The following SAXO1 variants were observed in gnomAD, a reference collection of about 807,000 sequenced individuals.
SAXO1 encodes 4930500O09Rik.
A neutral mutation model predicts 17.5 loss-of-function variants in SAXO1; 21 were observed. The observed-to-expected ratio is 1.20, with a 90% CI of 0.85 to 1.72. SAXO1 has a LOEUF of 1.72. SAXO1 is among the 40% of genes most tolerant of loss of function. The pLI is 0.00. For synonymous variants in SAXO1, 274 were observed against 216.5 expected, an observed-to-expected ratio of 1.27 and a Z score of -2.33; for missense variants, 843 against 596.0, an observed-to-expected ratio of 1.41 and a Z score of -4.32.
chr9:18,988,413 T>C lies in SAXO1; in HGVS notation c.39-37476A>G, dbSNP rs911111822. Among the ~76,000 whole-genome samples, 3 of 152,342 alleles carry C rather than the reference T, an allele frequency of 2.0e-5. No homozygotes were observed. In the East Asian group the frequency reaches 5.8e-4, roughly 29 times the overall value. Reference sequence around the variant, plus strand: ...GAGTCACCCAAACCCCTAAATGTCCTTCCAAATCCTAAGGTGAGCAAAAGT... The same window carrying C: ...GAGTCACCCAAACCCCTAAATGTCCCTCCAAATCCTAAGGTGAGCAAAAGT... On this transcript the variant is annotated intron_variant, in intron 1 of 3. Transcript: ENST00000380534.
intron 1 of SAXO1, among the ~76,000 whole-genome samples, chr9:18,991,603 A>C (rs976619383): frequency 6.6e-6 from 1 of 152,156 alleles, no homozygotes; most frequent in Non-Finnish European, 1.5e-5. Context: ...CATTAGGAGA[A>C]ATACCTAATG....
At chr9:18,961,324 C>T (rs1169660056) in intron 1 of SAXO1, among the ~76,000 whole-genome samples, 1 of 151,890 alleles carries the variant, frequency 6.6e-6, no homozygotes, top group African/African-American at 2.4e-5. Flanking sequence ...GCATGTGCCA[C>T]CACGCCTGGC....
intron 1 of SAXO1, among the ~76,000 whole-genome samples, chr9:19,023,367 T>A (rs1028999349): frequency 6.6e-6 from 1 of 152,218 alleles, no homozygotes. Flanking sequence ...TATGCCTTAC[T>A]GTGGATGCAC....
intron 1 of SAXO1, among the ~76,000 whole-genome samples, chr9:19,029,436 C>T (rs781354443): frequency 3.3e-5 from 5 of 152,214 alleles, no homozygotes; most frequent in African/African-American, 4.8e-5. Context: ...CTTCTTCATG[C>T]ATGCTTGTCT....
intron 1 of SAXO1, among the ~76,000 whole-genome samples, chr9:18,957,035 C>A (rs2131744299): frequency 6.6e-6 from 1 of 152,306 alleles, no homozygotes; most frequent in Non-Finnish European, 1.5e-5. Flanking sequence ...TGATGGAATG[C>A]CAGCCTGTAC....
At chr9:18,976,151 C>A (rs576099180) in intron 1 of SAXO1, among the ~76,000 whole-genome samples, 1 of 152,266 alleles carries the variant, frequency 6.6e-6, no homozygotes, top group Admixed American at 6.5e-5. Flanking sequence ...TTAGGAAGCA[C>A]TCTAAGCCAG....
intron 1 of SAXO1, among the ~76,000 whole-genome samples, chr9:18,987,758 G>C (rs901069916): frequency 2.0e-5 from 3 of 152,018 alleles, no homozygotes; most frequent in Non-Finnish European, 4.4e-5. Context: ...TTAGCTAGGT[G>C]TGGTGGCACA....
At chr9:18,978,346 T>C (rs921773581) in intron 1 of SAXO1, among the ~76,000 whole-genome samples, 1 of 152,162 alleles carries the variant, frequency 6.6e-6, no homozygotes, top group Non-Finnish European at 1.5e-5. Context: ...AACAGGACCC[T>C]GTCCTGCCTT....
At chr9:18,981,969 A>G (rs1833405690) in intron 1 of SAXO1, among the ~76,000 whole-genome samples, 1 of 152,208 alleles carries the variant, frequency 6.6e-6, no homozygotes, top group Admixed American at 6.5e-5. Flanking sequence ...AAGAGAATGA[A>G]GAAAACACCA....
At chr9:18,964,440 C>T (rs538087083) in intron 1 of SAXO1, among the ~76,000 whole-genome samples, 1 of 152,304 alleles carries the variant, frequency 6.6e-6, no homozygotes, top group South Asian at 2.1e-4. Context: ...ATTACTGCCT[C>T]AATTTCAGAA....
upstream of SAXO1, among the ~76,000 whole-genome samples, chr9:19,036,614 C>T (rs532618852): frequency 6.6e-6 from 1 of 152,290 alleles, no homozygotes; most frequent in Admixed American, 6.5e-5. Flanking sequence ...TGGCAGCTTC[C>T]GCATGGTGTT....
rs901874359 is a variant in SAXO1 at position 18,928,248 on chromosome 9, A to T, written c.1229T>A (p.Ile410Asn). ...VPVESQTTYT[I>N]SFTPKEMGRC... is the part of the protein sequence containing the mutation. Reference sequence around the variant, plus strand: ...GCCCATTTCCTTGGGAGTAAAGCTGATGGTGTAGGTGGTCTGGCTTTCCAC... The same window carrying T: ...GCCCATTTCCTTGGGAGTAAAGCTGTTGGTGTAGGTGGTCTGGCTTTCCAC... The change falls in exon 4 of 4, where the codon ATC becomes AAC. Residue 410 changes from isoleucine to asparagine, a missense_variant. Ile to Asn is a moderately radical substitution (Grantham distance 149). Coordinates refer to ENST00000380534, the MANE Select transcript of SAXO1 (RefSeq NM_153707.4). 10 of 1,613,874 alleles carry T rather than the reference A, an allele frequency of 6.2e-6. No homozygotes were observed. Among genetic ancestry groups the T allele is most frequent in the Non-Finnish European group, 8.5e-6 (10 of 1,179,870 alleles).
chr9:18,942,553 A>C (rs1370609529), intron 2 of SAXO1, among the ~76,000 whole-genome samples: 1 of 152,210 alleles, frequency 6.6e-6, no homozygotes, highest in East Asian at 1.9e-4. Context: ...CAGAAAACCC[A>C]GAAGAGGAAA....
chr9:18,968,615 C>T (rs181007915), intron 1 of SAXO1, among the ~76,000 whole-genome samples: 19 of 139,194 alleles, frequency 1.4e-4, no homozygotes, highest in South Asian at 4.3e-4. Flanking sequence ...TTTTTTGAGA[C>T]GCAGTTTCAC....
chr9:19,008,390 A>G (rs1274871345), intron 1 of SAXO1, among the ~76,000 whole-genome samples: 1 of 152,152 alleles, frequency 6.6e-6, no homozygotes, highest in East Asian at 1.9e-4. Flanking sequence ...CTAACCACTC[A>G]GTTGTTATTT....
chr9:18,946,277 AC>A (rs1406979762), intron 2 of SAXO1, among the ~76,000 whole-genome samples: 13 of 115,894 alleles, frequency 1.1e-4, no homozygotes, highest in Admixed American at 3.5e-4. Context: ...ACTTCATCTC[AC>A]CAAAAAAAAA....
chr9:18,991,911 G>A (rs889386735), intron 1 of SAXO1, among the ~76,000 whole-genome samples: 2 of 152,070 alleles, frequency 1.3e-5, no homozygotes, highest in Non-Finnish European at 2.9e-5. Context: ...TGCTTGAAGA[G>A]GCGTCTGTAA....
At chr9:18,986,334 T>C (rs1833592918) in intron 1 of SAXO1, among the ~76,000 whole-genome samples, 1 of 152,250 alleles carries the variant, frequency 6.6e-6, no homozygotes, top group Non-Finnish European at 1.5e-5. Flanking sequence ...GGCAGGAATT[T>C]ATCACCCTTA....
chr9:18,951,037 T>C (rs1832017199), intron 1 of SAXO1, 100 bp from the exon 2 acceptor site: 2 of 1,201,336 alleles, frequency 1.7e-6, no homozygotes, highest in Non-Finnish European at 2.3e-6. Context: ...TGTAAAATCA[T>C]GTGACTGCCA....
Sources: gnomAD v4.1 joint callset for allele counts (sites outside exome capture counted in the v4.1 genomes callset) on GRCh38, gnomAD v4.1.1 for gene constraint, MANE v1.5 for transcripts, NCBI Gene and HGNC (gene_info 2026-07-23, HGNC 2026-07-21) for gene names.